The following GABRG3 variants were observed in gnomAD, a reference collection of about 807,000 sequenced individuals.
The protein encoded by GABRG3 is gamma-aminobutyric acid receptor subunit gamma-3.
A neutral mutation model predicts 48.8 loss-of-function variants in GABRG3; 25 were observed. The ratio of observed to expected loss-of-function variants is 0.51; its 90% CI spans 0.37 to 0.72. GABRG3 has a LOEUF of 0.72. GABRG3 is among the 30% of genes least tolerant of loss of function. The pLI is 0.00. For missense variants in GABRG3, 394 were observed against 577.9 expected, an observed-to-expected ratio of 0.68 and a Z score of 3.26; for synonymous variants, 227 against 217.6, an observed-to-expected ratio of 1.04 and a Z score of -0.38.
In GABRG3 at chr15:27,468,096, A is replaced by C. The variant is rs575921900; in HGVS notation, c.575-12554A>C. 1.2e-4 allele frequency among the ~76,000 whole-genome samples: 18 copies of C among 152,322 alleles called. No homozygotes were observed. In the South Asian group the frequency reaches 3.1e-3, roughly 26 times the overall value. ...GTACTGATACCAGCGGGTCAGGGGA[A>C]GTCCCCATACACCTGTGGGACCTCC... On this transcript the variant is annotated intron_variant, in intron 5 of 9. Transcript: ENST00000615808.
intron 2 of GABRG3, among the ~76,000 whole-genome samples, chr15:27,003,248 C>A (rs912108878): frequency 9.7e-6 from 1 of 103,238 alleles, no homozygotes; most frequent in Non-Finnish European, 2.2e-5. Flanking sequence ...TTTTATTGAT[C>A]ATTCTTGGGT....
intron 3 of GABRG3, among the ~76,000 whole-genome samples, chr15:27,178,896 T>C (rs142337261): frequency 5.9e-4 from 90 of 152,262 alleles, no homozygotes; most frequent in African/African-American, 2.1e-3. Context: ...TTTACACAGA[T>C]AGGGCAGAGG....
At chr15:27,012,955 G>C (rs951903412) in intron 2 of GABRG3, among the ~76,000 whole-genome samples, 11 of 152,106 alleles carry the variant, frequency 7.2e-5, no homozygotes, top group Admixed American at 4.6e-4. Flanking sequence ...CTGTTAAAAG[G>C]TACGTATTAA....
chr15:27,324,937 G>A (rs1893556076), intron 3 of GABRG3, among the ~76,000 whole-genome samples: 1 of 126,180 alleles, frequency 7.9e-6, no homozygotes, highest in African/African-American at 4.0e-5. Context: ...TTACTGGGTG[G>A]CAGCCTAATC....
At chr15:27,172,060 C>T (rs1291108847) in intron 3 of GABRG3, among the ~76,000 whole-genome samples, 1 of 152,156 alleles carries the variant, frequency 6.6e-6, no homozygotes, top group East Asian at 1.9e-4. Context: ...CTGACCTGTT[C>T]CATGATCATG....
intron 6 of GABRG3, among the ~76,000 whole-genome samples, chr15:27,505,778 A>G (rs1890745566): frequency 6.6e-6 from 1 of 152,202 alleles, no homozygotes; most frequent in Non-Finnish European, 1.5e-5. Context: ...TAATAGAGTA[A>G]GTTGGGTATA....
intron 3 of GABRG3, among the ~76,000 whole-genome samples, chr15:27,274,931 C>T (rs1476945588): frequency 6.6e-6 from 1 of 152,112 alleles, no homozygotes; most frequent in Non-Finnish European, 1.5e-5. Context: ...GCATTTTCCA[C>T]CAGTTCTTAA....
At chr15:27,136,744 T>A (rs1003046736) in intron 3 of GABRG3, among the ~76,000 whole-genome samples, 1 of 152,144 alleles carries the variant, frequency 6.6e-6, no homozygotes, top group African/African-American at 2.4e-5. Context: ...AAAGTATGAA[T>A]TAATCCTAGA....
At chr15:27,141,439 A>T (rs1251179076) in intron 3 of GABRG3, among the ~76,000 whole-genome samples, 4 of 152,176 alleles carry the variant, frequency 2.6e-5, no homozygotes, top group Non-Finnish European at 4.4e-5. Flanking sequence ...GCGAGATTTT[A>T]TTCACACATC....
At chr15:27,407,278 A>G (rs1245230757) in intron 5 of GABRG3, among the ~76,000 whole-genome samples, 1 of 152,190 alleles carries the variant, frequency 6.6e-6, no homozygotes, top group East Asian at 1.9e-4. Context: ...CTACACACCT[A>G]CTGGAATGGG....
intron 3 of GABRG3, among the ~76,000 whole-genome samples, chr15:27,096,321 G>A (rs1470703733): frequency 6.6e-6 from 1 of 152,204 alleles, no homozygotes; most frequent in East Asian, 1.9e-4. Context: ...GCAGTAAAGG[G>A]ATAAAACATG....
At chr15:27,439,915 C>T (rs1254200483) in intron 5 of GABRG3, among the ~76,000 whole-genome samples, 1 of 152,180 alleles carries the variant, frequency 6.6e-6, no homozygotes, top group Non-Finnish European at 1.5e-5. Context: ...GACCTTATTG[C>T]GTTCCCATGC....
intron 3 of GABRG3, among the ~76,000 whole-genome samples, chr15:27,183,651 A>T (rs960936550): frequency 6.6e-6 from 1 of 152,248 alleles, no homozygotes; most frequent in Non-Finnish European, 1.5e-5. Context: ...ATGCACAAGC[A>T]TACATTTCCA....
Position 27,308,163 on chromosome 15 carries a change from CATAT to C in GABRG3, c.271-18643_271-18640del, listed in dbSNP as rs375803478. 7.5e-3 allele frequency among the ~76,000 whole-genome samples: 356 copies of C among 47,362 alleles called. 34 individuals carry two copies. The highest frequency in any genetic ancestry group is 0.046 in the South Asian group (35 of 758). 31.1% of individuals were successfully genotyped at this position (47,362 alleles called of 152,430 possible). On this transcript the variant is annotated intron_variant, in intron 3 of 9. Coordinates refer to ENST00000615808, the MANE Select transcript of GABRG3 (RefSeq NM_033223.5). ...GTTTATACATCCAAACATATATAAACATATATGTTTATATATCCAAACATATATA... is the reference window on the plus strand; with the variant it reads ...GTTTATACATCCAAACATATATAAACATGTTTATATATCCAAACATATATA...
chr15:27,107,265 A>C (rs1897466390), intron 3 of GABRG3, among the ~76,000 whole-genome samples: 2 of 151,998 alleles, frequency 1.3e-5, no homozygotes, highest in Admixed American at 6.6e-5. Context: ...GATCTTCATG[A>C]ATGAGTGTTC....
chr15:27,479,282 A>G (rs1890038130), intron 5 of GABRG3, among the ~76,000 whole-genome samples: 1 of 152,276 alleles, frequency 6.6e-6, no homozygotes, highest in Admixed American at 6.5e-5. Flanking sequence ...CAATTGGGAC[A>G]TGGCCAATGG....
chr15:27,053,828 G>A (rs919898303), intron 3 of GABRG3, among the ~76,000 whole-genome samples: 2 of 152,240 alleles, frequency 1.3e-5, no homozygotes, highest in African/African-American at 4.8e-5. Context: ...GCAGCTACAT[G>A]GATGGGAAGG....
Position 27,150,561 on chromosome 15 carries a change from C to T in GABRG3, c.270+123740C>T, listed in dbSNP as rs143610676. Among the ~76,000 whole-genome samples the T allele has an allele frequency of 3.6e-3, 555 of 152,306 alleles. 2 individuals are homozygous for T. The highest frequency in any genetic ancestry group is 6.4e-3 in the Non-Finnish European group (435 of 68,030). ...GCTATTAAAACACGTTTGTTCTTCT[C>T]TAGAGCACTCACAACAACTTCTATC... On this transcript the variant is annotated intron_variant, in intron 3 of 9. Transcript: ENST00000615808.
At chr15:27,313,779 G>C (rs559968767) in intron 3 of GABRG3, among the ~76,000 whole-genome samples, 1 of 152,208 alleles carries the variant, frequency 6.6e-6, no homozygotes, top group East Asian at 1.9e-4. Flanking sequence ...TGAGACCAAT[G>C]AAACGAAAGC....
Sources: allele counts gnomAD v4.1 joint callset (sites outside exome capture counted in the v4.1 genomes callset), GRCh38; gene constraint gnomAD v4.1.1; transcripts MANE v1.5; gene names NCBI Gene and HGNC (gene_info 2026-07-23, HGNC 2026-07-21).